TRMT44: variants seen among roughly 807,000 people sequenced by gnomAD.
The protein encoded by TRMT44 is probable tRNA (uracil-O(2)-)-methyltransferase.
TRMT44 carries 78 observed loss-of-function variants against 77.3 expected under a neutral mutation model. The ratio of observed to expected loss-of-function variants is 1.01; its 90% CI spans 0.84 to 1.22. TRMT44 has a LOEUF of 1.22. Ranked by LOEUF, TRMT44 falls within the 50% of genes most tolerant of loss-of-function variation. The pLI, the probability that TRMT44 is intolerant of heterozygous loss-of-function variation, is 0.00. For missense variants in TRMT44, 1,090 were observed against 964.4 expected (o/e 1.13, Z -1.73); for synonymous variants, 391 against 383.3 (o/e 1.02, Z -0.23).
At chr4:8,483,754 A>G (rs1342251268) in intron 2 of TRMT44, among the ~76,000 whole-genome samples, 1 of 152,224 alleles carries the variant, frequency 6.6e-6, no homozygotes, top group Non-Finnish European at 1.5e-5. Flanking sequence ...TGGACTGTAT[A>G]GAGGTGGGAA....
At chr4:8,482,729 G>A (rs1244570955) in intron 2 of TRMT44, among the ~76,000 whole-genome samples, 1 of 152,060 alleles carries the variant, frequency 6.6e-6, no homozygotes, top group African/African-American at 2.4e-5. Flanking sequence ...CATCAGTTAA[G>A]GTGGGGCAGG....
At chr4:8,491,106 G>A (rs1037069470) in intron 2 of TRMT44, among the ~76,000 whole-genome samples, 2 of 151,698 alleles carry the variant, frequency 1.3e-5, no homozygotes, top group South Asian at 4.2e-4. Context: ...AGACATAAAG[G>A]TTCTCCAAGG....
chr4:8,468,695 G>T, intron 9 of TRMT44: 1 of 484,252 alleles, frequency 2.1e-6, no homozygotes, highest in South Asian at 3.7e-5. Context: ...CTGTCCCCTT[G>T]AGTATGTGGT....
intron 6 of TRMT44, among the ~76,000 whole-genome samples, chr4:8,463,753 G>A (rs572303911): frequency 1.3e-5 from 2 of 152,330 alleles, no homozygotes; most frequent in South Asian, 2.1e-4. Context: ...GAAAAGTGCT[G>A]TTAGTTTCTC....
At chr4:8,501,659 G>A in the TRMT44 span, among the ~76,000 whole-genome samples, 1 of 152,146 alleles carries the variant, frequency 6.6e-6, no homozygotes, top group African/African-American at 2.4e-5. This position sits in a 1 kb window ranked among gnomAD's most constrained non-coding sequence, Gnocchi z 4.4. Context: ...GATGTTTTTG[G>A]ACTCTTCCTC....
intron 10 of TRMT44, among the ~76,000 whole-genome samples, chr4:8,471,421 C>T (rs111349299): frequency 2.0e-4 from 30 of 152,310 alleles, no homozygotes; most frequent in Admixed American, 1.3e-3. Flanking sequence ...TCGTCCCATG[C>T]GATGTCCCCA....
intron 2 of TRMT44, among the ~76,000 whole-genome samples, chr4:8,483,423 G>A (rs1437530658): frequency 1.3e-5 from 2 of 149,594 alleles, no homozygotes; most frequent in African/African-American, 4.9e-5. Context: ...TTTTTGGGGG[G>A]GGGCACGGTC....
intron 6 of TRMT44, among the ~76,000 whole-genome samples, chr4:8,455,273 A>G (rs1284824802): frequency 6.6e-6 from 1 of 152,236 alleles, no homozygotes; most frequent in African/African-American, 2.4e-5. Context: ...GGGCTGGGAT[A>G]GAAGGTTTAG....
At chr4:8,493,018 C>A (rs1292082338) in intron 2 of TRMT44, among the ~76,000 whole-genome samples, 1 of 152,166 alleles carries the variant, frequency 6.6e-6, no homozygotes, top group African/African-American at 2.4e-5. Context: ...CTTCCTAAAT[C>A]GACTGAGACC....
downstream of TRMT44, among the ~76,000 whole-genome samples, chr4:8,481,361 C>T (rs1458686358): frequency 3.3e-5 from 5 of 152,244 alleles, no homozygotes. Flanking sequence ...TGTGCCCCGA[C>T]CACCTTGGGC....
the TRMT44 span, among the ~76,000 whole-genome samples, chr4:8,505,746 G>A: frequency 3.3e-5 from 5 of 152,214 alleles, no homozygotes; most frequent in African/African-American, 1.2e-4. Flanking sequence ...ATCTTGAATT[G>A]TAATCTGCAG....
chr4:8,441,311 C>G lies in TRMT44; in HGVS notation c.489C>G (p.Phe163Leu). 6.5e-7 allele frequency: 1 copy of G among 1,535,610 alleles called. No individual in the cohort carries two copies. The highest frequency in any genetic ancestry group is 1.2e-5 in the South Asian group (1 of 83,814). ...GTGGCAATTCGGAGTTGCTGGCCTT[C>G]CTCACCAGCTCCGGGGCGGGATCGC... ...LARGNSELLA[F>L]LTSSGAGSQP... Residue 163 changes from phenylalanine (F) to leucine (L), a missense_variant, in exon 1 of 11, where the codon TTC becomes TTG. Physicochemically the swap from Phe to Leu is conservative, Grantham distance 22. Coordinates refer to ENST00000389737, the MANE Select transcript of TRMT44 (RefSeq NM_152544.3).
chr4:8,455,323 G>C (rs1282806995), intron 6 of TRMT44, among the ~76,000 whole-genome samples: 2 of 152,240 alleles, frequency 1.3e-5, no homozygotes, highest in Non-Finnish European at 2.9e-5. Flanking sequence ...GACCCTACTT[G>C]GGGCCTCTGA....
In TRMT44 at chr4:8,475,673, G is replaced by A. The variant is rs375826019; in HGVS notation, c.2045-99G>A. Reference sequence around the variant, plus strand: ...TGTTCCGGTTGTATCCCTGACCCTGGATTGGCACCTCCCGTGGCGTGGGAG... The same window carrying A: ...TGTTCCGGTTGTATCCCTGACCCTGAATTGGCACCTCCCGTGGCGTGGGAG... On this transcript the variant is annotated intron_variant, in intron 10 of 10. Coordinates refer to ENST00000389737, the MANE Select transcript of TRMT44 (RefSeq NM_152544.3). 6.7e-5 allele frequency: 75 copies of A among 1,111,616 alleles called. No individual in the cohort carries two copies. The East Asian group carries it at 1.3e-3, about 19-fold the overall frequency. The allele number at this position is 1,111,616 out of a possible 1,614,324, so 68.9% of individuals were successfully genotyped here.
chr4:8,493,350 T>A (rs192954335), exon 3 of TRMT44: 1 of 152,200 alleles, frequency 6.6e-6, no homozygotes, highest in Non-Finnish European at 1.5e-5. Context: ...AGGAATGGAC[T>A]CAGCTCAAGA....
In TRMT44 at chr4:8,454,743, A is replaced by G; in HGVS notation, c.1133A>G (p.His378Arg). 1 of 1,614,170 alleles carries G rather than the reference A, an allele frequency of 6.2e-7. No homozygotes were observed. Among genetic ancestry groups the G allele is most frequent in the Admixed American group, 1.7e-5 (1 of 60,016 alleles). ...LLVHILSSEG[H>R]PGRGIDVRRR... is the part of the protein sequence containing the mutation. ...GATTTCTAAAATTAATTTTTTCAGC[A>G]TCCAGGCAGAGGGATTGATGTCCGA... is the stretch of plus-strand genomic sequence containing the variant. Residue 378 changes from histidine (H) to arginine (R), a missense_variant and splice_region_variant, in exon 6 of 11, where the codon CAT (histidine) becomes CGT (arginine). Transcript: ENST00000389737.
the TRMT44 span, chr4:8,509,354 C>CAG: frequency 6.5e-6 from 1 of 152,762 alleles, no homozygotes; most frequent in African/African-American, 2.4e-5. Context: ...GGTGCCCAGG[C>CAG]AGGAGCTTGC....
At chr4:8,491,682 C>T (rs1560253172) in intron 2 of TRMT44, among the ~76,000 whole-genome samples, 1 of 152,248 alleles carries the variant, frequency 6.6e-6, no homozygotes, top group Non-Finnish European at 1.5e-5. Context: ...CTGGGGCCAG[C>T]AGGGCTGGCC....
intron 8 of TRMT44, among the ~76,000 whole-genome samples, chr4:8,467,263 C>T (rs73213426): frequency 0.022 from 3,362 of 152,278 alleles, 64 homozygotes; most frequent in African/African-American, 0.052. Context: ...CATGTGCCCC[C>T]GCCGGGCGGC....
Sources: allele counts gnomAD v4.1 joint callset (sites outside exome capture counted in the v4.1 genomes callset), GRCh38; gene constraint gnomAD v4.1.1; non-coding constraint Gnocchi (gnomAD v3.1); transcripts MANE v1.5; gene names NCBI Gene and HGNC (gene_info 2026-07-23, HGNC 2026-07-21).